The following BACH2 variants were observed in gnomAD, a reference collection of about 807,000 sequenced individuals.
The protein encoded by BACH2 is BACH transcriptional regulator 2, also known as transcription regulator protein BACH2.
In BACH2, 5 loss-of-function variants were observed where a neutral mutation model predicts 61.8. The ratio of observed to expected loss-of-function variants is 0.08; its 90% CI spans 0.04 to 0.17. BACH2 has a LOEUF of 0.17. BACH2 is among the 10% of genes least tolerant of loss of function. The pLI, the probability that BACH2 is intolerant of heterozygous loss-of-function variation, is 1.00. For missense variants in BACH2, 824 were observed against 1,091.1 expected (o/e 0.76, Z 3.45); for synonymous variants, 446 against 440.1 (o/e 1.01, Z -0.17).
At chr6:90,178,595 A>C (rs1284900529) in intron 4 of BACH2, among the ~76,000 whole-genome samples, 1 of 152,236 alleles carries the variant, frequency 6.6e-6, no homozygotes, top group Admixed American at 6.5e-5. Context: ...ACTTGGAGGA[A>C]GAGAAACTAA....
intron 1 of BACH2, among the ~76,000 whole-genome samples, chr6:90,285,789 G>T (rs1048648654): frequency 2.2e-4 from 34 of 152,174 alleles, no homozygotes; most frequent in Admixed American, 2.2e-3. Context: ...TTACAGTGCG[G>T]CCAGCTGAGT....
At chr6:90,132,320 CCTAAA>C (rs1411148381) in intron 4 of BACH2, among the ~76,000 whole-genome samples, 2 of 152,244 alleles carry the variant, frequency 1.3e-5, no homozygotes, top group South Asian at 4.2e-4. Context: ...GGTCATACCC[CCTAAA>C]CAGCTTTGAT....
intron 1 of BACH2, among the ~76,000 whole-genome samples, chr6:90,288,147 AT>A (rs375488399): frequency 1.3e-5 from 2 of 149,542 alleles, no homozygotes; most frequent in South Asian, 2.1e-4. Context: ...AGTTAATTTC[AT>A]TTTTTTTTCA....
At chr6:90,253,801 T>C (rs9444754) in intron 2 of BACH2, among the ~76,000 whole-genome samples, 5,124 of 152,248 alleles carry the variant, frequency 0.034, 293 homozygotes, top group African/African-American at 0.12. Flanking sequence ...TGACCTGAAG[T>C]TGGTTACACA....
At chr6:90,169,181 A>G (rs1767728901) in intron 4 of BACH2, among the ~76,000 whole-genome samples, 1 of 152,062 alleles carries the variant, frequency 6.6e-6, no homozygotes, top group African/African-American at 2.4e-5. Flanking sequence ...AAAAAAAAAA[A>G]AGATTTTCTG....
intron 4 of BACH2, among the ~76,000 whole-genome samples, chr6:90,167,037 C>T (rs1340053158): frequency 2.0e-5 from 3 of 152,046 alleles, no homozygotes; most frequent in Non-Finnish European, 2.9e-5. Flanking sequence ...GCACATGTAC[C>T]CTAAAACTTA....
At chr6:89,944,548 A>G (rs1773618533) in intron 7 of BACH2, among the ~76,000 whole-genome samples, 1 of 152,250 alleles carries the variant, frequency 6.6e-6, no homozygotes, top group South Asian at 2.1e-4. Flanking sequence ...CCAAACCACA[A>G]AAATGATTGT....
chr6:90,005,140 G>C (rs1441728709), intron 6 of BACH2, among the ~76,000 whole-genome samples: 1 of 152,102 alleles, frequency 6.6e-6, no homozygotes, highest in Admixed American at 6.6e-5. Context: ...TTTGGGGGTG[G>C]AATTGCACAA....
chr6:90,160,379 G>A (rs1785149688), intron 4 of BACH2, among the ~76,000 whole-genome samples: 2 of 152,344 alleles, frequency 1.3e-5, no homozygotes, highest in Non-Finnish European at 1.5e-5. Context: ...GCTGGATCCT[G>A]TGATGCAGCT....
intron 5 of BACH2, among the ~76,000 whole-genome samples, chr6:90,070,990 G>GT (rs935613893): frequency 4.0e-5 from 6 of 151,768 alleles, no homozygotes; most frequent in Admixed American, 6.6e-5. Flanking sequence ...TTTTTTGTTT[G>GT]TTTTTTTGGG....
chr6:90,078,424 A>G (rs1456403312), intron 5 of BACH2, among the ~76,000 whole-genome samples: 2 of 152,176 alleles, frequency 1.3e-5, no homozygotes, highest in East Asian at 3.8e-4. Flanking sequence ...GCAAAATAAA[A>G]AAAACAACAA....
chr6:90,032,306 C>A (rs1779031465), intron 5 of BACH2, among the ~76,000 whole-genome samples: 1 of 147,094 alleles, frequency 6.8e-6, no homozygotes, highest in Admixed American at 6.7e-5. Flanking sequence ...GCAAGTACTT[C>A]ATGTCTAAAA....
intron 3 of BACH2, chr6:90,218,258 T>C (rs981186395): frequency 4.6e-5 from 7 of 152,188 alleles, no homozygotes; most frequent in African/African-American, 1.7e-4. Flanking sequence ...GGTGTTGCTC[T>C]AAAAATTTTT....
chr6:89,932,610 G>T lies in BACH2; in HGVS notation c.2324C>A (p.Ala775Asp). ...NVPCCLEPGAAPPGPPWAPSN... is the reference protein window; with the variant it reads ...NVPCCLEPGADPPGPPWAPSN... Reference sequence around the variant, plus strand: ...GGGTGCCCAGGGGGGTCCGGGGGGAGCCGCGCCTGGCTCCAAGCAGCAGGG... The same window carrying T: ...GGGTGCCCAGGGGGGTCCGGGGGGATCCGCGCCTGGCTCCAAGCAGCAGGG... Residue 775 changes from alanine (A) to aspartate (D), a missense_variant, in exon 9 of 9, where the codon GCT (alanine) becomes GAT (aspartate). Coordinates refer to ENST00000257749, the MANE Select transcript of BACH2 (RefSeq NM_021813.4). The T allele has an allele frequency of 6.2e-7, 1 of 1,614,056 alleles. No individual in the cohort carries two copies. Among genetic ancestry groups the T allele is most frequent in the Non-Finnish European group, 8.5e-7 (1 of 1,179,998 alleles).
intron 1 of BACH2, among the ~76,000 whole-genome samples, chr6:90,279,438 G>A (rs1455636382): frequency 2.0e-5 from 3 of 149,670 alleles, no homozygotes; most frequent in Admixed American, 6.7e-5. Flanking sequence ...CAGGAGAGTC[G>A]CTTGAACCCA....
At chr6:89,993,925 T>C (rs1207278039) in intron 6 of BACH2, among the ~76,000 whole-genome samples, 2 of 152,148 alleles carry the variant, frequency 1.3e-5, no homozygotes, top group African/African-American at 2.4e-5. Context: ...CTATTAGTTT[T>C]TAAAATGTCA....
intron 4 of BACH2, among the ~76,000 whole-genome samples, chr6:90,146,485 T>C (rs1374018987): frequency 3.9e-5 from 6 of 152,200 alleles, no homozygotes; most frequent in African/African-American, 1.4e-4. Context: ...GAAAGTTTTC[T>C]AAAATGAAAT....
At chr6:90,080,479 G>T (rs185417133) in intron 5 of BACH2, among the ~76,000 whole-genome samples, 2 of 152,004 alleles carry the variant, frequency 1.3e-5, no homozygotes, top group Non-Finnish European at 2.9e-5. Flanking sequence ...CCATCTTGAC[G>T]GCAAATAATA....
At chr6:90,281,270 A>G (rs1017632463) in intron 1 of BACH2, among the ~76,000 whole-genome samples, 6 of 152,240 alleles carry the variant, frequency 3.9e-5, no homozygotes, top group Non-Finnish European at 8.8e-5. Flanking sequence ...TTGAACAATT[A>G]TTTTTAACTA....
Sources: gnomAD v4.1 joint callset for allele counts (sites outside exome capture counted in the v4.1 genomes callset) on GRCh38, gnomAD v4.1.1 for gene constraint, MANE v1.5 for transcripts, NCBI Gene and HGNC (gene_info 2026-07-23, HGNC 2026-07-21) for gene names.